TTYH1: variants seen among roughly 807,000 people sequenced by gnomAD.
The protein encoded by TTYH1 is protein tweety homolog 1.
A neutral mutation model predicts 61.2 loss-of-function variants in TTYH1; 33 were observed. The observed-to-expected ratio is 0.54, with a 90% CI of 0.41 to 0.72. TTYH1 has a LOEUF of 0.72. TTYH1 is among the 30% of genes least tolerant of loss of function. The probability of loss-of-function intolerance (pLI) is 0.00; values close to 1 mark genes in which losing one functional copy is unlikely to be tolerated. For synonymous variants in TTYH1, 308 were observed against 266.4 expected (o/e 1.16, Z -1.52); for missense variants, 538 against 575.8 (o/e 0.93, Z 0.67).
intron 4 of TTYH1, among the ~76,000 whole-genome samples, chr19:54,425,231 C>A (rs571187060): frequency 2.0e-5 from 3 of 152,246 alleles, no homozygotes; most frequent in Non-Finnish European, 4.4e-5. Context: ...TGGAAGTCAG[C>A]GGCGGGTCTG....
chr19:54,416,963 G>GGGGGTC lies in TTYH1; in HGVS notation c.126+1286_126+1291dup, dbSNP rs2083092998. On this transcript the variant is annotated intron_variant, in intron 1 of 13. Transcript: ENST00000376530. The surrounding 1 kb of genome is among the most constrained non-coding windows in gnomAD (Gnocchi z 7.0). ...GGAGCCTCACTCCGCCCCCACGGTCGGGGGTCAGGGTCAGGGTGGCAGGGA... is the reference window on the plus strand; with the variant it reads ...GGAGCCTCACTCCGCCCCCACGGTCGGGGGTCGGGGTCAGGGTCAGGGTGGCAGGGA... 1 of 1,236,916 alleles carries GGGGGTC rather than the reference G, an allele frequency of 8.1e-7. No individual in the cohort carries two copies. Among genetic ancestry groups the GGGGGTC allele is most frequent in the Non-Finnish European group, 1.0e-6 (1 of 963,264 alleles). The allele number at this position is 1,236,916 out of a possible 1,614,324, so 76.6% of individuals were successfully genotyped here.
chr19:54,431,312 T>C lies in TTYH1; in HGVS notation c.1125+121T>C, dbSNP rs557473955. The C allele has an allele frequency of 2.0e-4, 137 of 683,988 alleles. 1 individual carries two copies. Among genetic ancestry groups the C allele is most frequent in the Admixed American group, 5.4e-4 (23 of 42,666 alleles). The allele number at this position is 683,988 out of a possible 1,614,324, so 42.4% of individuals were successfully genotyped here. A position where few individuals can be genotyped will look rare whatever the true frequency, so the allele number is the denominator to read the frequency against. On this transcript the variant is annotated intron_variant, in intron 10 of 13. Coordinates refer to ENST00000376530, the MANE Select transcript of TTYH1 (RefSeq NM_020659.4). ...CGCCTGAGGATATCTCTGTATCCTC[T>C]GTTTATATGATTTATCTGTCCTATA...
rs747687807 is a variant in TTYH1 at position 54,429,987 on chromosome 19, G to A, written c.883+30G>A. 5 of 1,599,976 alleles carry A rather than the reference G, an allele frequency of 3.1e-6. No individual in the cohort carries two copies. Among genetic ancestry groups the A allele is most frequent in the Non-Finnish European group, 2.6e-6 (3 of 1,168,206 alleles). On this transcript the variant is annotated intron_variant, in intron 7 of 13. Transcript: ENST00000376530. This position sits in a 1 kb window ranked among gnomAD's most constrained non-coding sequence, Gnocchi z 5.1. The stretch of plus-strand genomic sequence containing the variant: ...TTTCCAAGGGCCCGGTGGGTCCGCC[G>A]GGTTGGGCAGTGCAGGCCCTGGCTT...
At chr19:54,435,410 G>A in intron 10 of TTYH1, 132 bp from the exon 11 acceptor site, 2 of 1,146,658 alleles carry the variant, frequency 1.7e-6, no homozygotes, top group Non-Finnish European at 2.5e-6. Context: ...TTTGACAGGG[G>A]AAACTGAGGC....
Position 54,415,558 on chromosome 19 carries a change from G to GGC in TTYH1, c.9_10dup (p.Pro4ArgfsTer55). The stretch of plus-strand genomic sequence containing the variant: ...TGCCCCCTCCCCCGGGGGCCATGGG[G>GGC]GCGCCCCCGGGCTACCGGCCCTCAG... On this transcript the variant is annotated frameshift_variant, in exon 1 of 14. Transcript: ENST00000376530. LOFTEE classifies it high-confidence loss of function. This position sits in a 1 kb window ranked among gnomAD's most constrained non-coding sequence, Gnocchi z 5.2. The GGC allele has an allele frequency of 6.8e-7, 1 of 1,475,552 alleles. No individual in the cohort carries two copies. Among genetic ancestry groups the GGC allele is most frequent in the Non-Finnish European group, 8.9e-7 (1 of 1,118,282 alleles). 91.4% of individuals were successfully genotyped at this position (1,475,552 alleles called of 1,614,324 possible). A position where few individuals can be genotyped will look rare whatever the true frequency, so the allele number is the denominator to read the frequency against.
chr19:54,415,682 G>A lies in TTYH1; in HGVS notation c.126+4G>A, dbSNP rs957796264. On this transcript the variant is annotated splice_donor_region_variant and intron_variant, in intron 1 of 13. Transcript: ENST00000376530. This position sits in a 1 kb window ranked among gnomAD's most constrained non-coding sequence, Gnocchi z 5.2. ...CCAAGAGCAGGAATACCAGCAGGTG[G>A]GACCGGGCGCCAGGGCCTGGGGGCC... 12 of 1,548,458 alleles carry A rather than the reference G, an allele frequency of 7.7e-6. No individual in the cohort carries two copies. Among genetic ancestry groups the A allele is most frequent in the Middle Eastern group, 1.7e-4 (1 of 5,782 alleles).
At position 54,429,488 on chromosome 19, in the gene TTYH1, C is replaced by A. The variant is rs111698385; in HGVS notation, c.807+109C>A. ...TAGTAGAGAAAGGAATTGGGGGGCACGATCACAGCTCTGAGGTTTAGGGCT... is the reference window on the plus strand; with the variant it reads ...TAGTAGAGAAAGGAATTGGGGGGCAAGATCACAGCTCTGAGGTTTAGGGCT... On this transcript the variant is annotated intron_variant, in intron 6 of 13. Coordinates refer to ENST00000376530, the MANE Select transcript of TTYH1 (RefSeq NM_020659.4). The surrounding 1 kb of genome is among the most constrained non-coding windows in gnomAD (Gnocchi z 5.1). 1 of 1,007,914 alleles carries A rather than the reference C, an allele frequency of 9.9e-7. No homozygotes were observed. Among genetic ancestry groups the A allele is most frequent in the Non-Finnish European group, 1.5e-6 (1 of 655,766 alleles). 62.4% of individuals were successfully genotyped at this position (1,007,914 alleles called of 1,614,324 possible). A position where few individuals can be genotyped will look rare whatever the true frequency, so the allele number is the denominator to read the frequency against.
chr19:54,435,642 C>A lies in TTYH1; in HGVS notation c.1226C>A (p.Ala409Asp). The A allele has an allele frequency of 1.9e-6, 3 of 1,611,788 alleles. No individual in the cohort carries two copies. The highest frequency in any genetic ancestry group is 2.5e-6 in the Non-Finnish European group (3 of 1,179,422). ...SLLSAGALAT[A>D]LCSLPRAWAL... ...CTGTCTGCAGGAGCGCTGGCCACTG[C>A]CCTCTGCAGCCTGCCCCGAGCCTGG... The change falls in exon 11 of 14, where the codon GCC (alanine) becomes GAC (aspartate). Residue 409 changes from alanine to aspartate, a missense_variant. This residue lies in a region of TTYH1 where 378 missense variants were observed against 401.2 expected (regional missense o/e 0.94). Coordinates refer to ENST00000376530, the MANE Select transcript of TTYH1 (RefSeq NM_020659.4).
chr19:54,418,328 TC>T (rs1387452593), intron 1 of TTYH1: 4 of 152,526 alleles, frequency 2.6e-5, no homozygotes, highest in Non-Finnish European at 5.9e-5. Flanking sequence ...TGTGTGTCTC[TC>T]CCGTCTCCAT....
chr19:54,428,613 G>A (rs1021194490), intron 5 of TTYH1, among the ~76,000 whole-genome samples: 1 of 152,156 alleles, frequency 6.6e-6, no homozygotes, highest in Non-Finnish European at 1.5e-5. Context: ...TGCTAGAGCT[G>A]GGATTTGAAC....
chr19:54,419,656 A>G lies in TTYH1; in HGVS notation c.305+350A>G. 1.8e-6 allele frequency: 1 copy of G among 549,330 alleles called. No individual in the cohort carries two copies. The highest frequency in any genetic ancestry group is 1.9e-5 in the African/African-American group (1 of 53,854). The allele number at this position is 549,330 out of a possible 1,614,324, so 34.0% of individuals were successfully genotyped here. A position where few individuals can be genotyped will look rare whatever the true frequency, so the allele number is the denominator to read the frequency against. ...TGGGCCTCAATTTCCACATCTGTAA[A>G]CTGGGCATTATCATCTCGCCCACCT... On this transcript the variant is annotated intron_variant, in intron 2 of 13. Transcript: ENST00000376530. This position sits in a 1 kb window ranked among gnomAD's most constrained non-coding sequence, Gnocchi z 6.1.
intron 1 of TTYH1, among the ~76,000 whole-genome samples, chr19:54,417,281 T>C (rs2081061): frequency 0.014 from 2,067 of 148,492 alleles, 51 homozygotes; most frequent in African/African-American, 0.049. Flanking sequence ...CACACCCACT[T>C]ACTCCCATTA....
rs2083564318 is a variant in TTYH1 at position 54,436,867 on chromosome 19, T to C, written c.*577T>C. ...CTCAGCAAGGGGTCCAAAGACATTG[T>C]TCTTTAAAAAAAAAAAAAAAAAAAT... On this transcript the variant is annotated 3_prime_UTR_variant, in exon 14 of 14. Coordinates refer to ENST00000376530, the MANE Select transcript of TTYH1 (RefSeq NM_020659.4). This position sits in a 1 kb window ranked among gnomAD's most constrained non-coding sequence, Gnocchi z 4.3. 6.5e-6 allele frequency: 1 copy of C among 153,038 alleles called. No individual in the cohort carries two copies. Among genetic ancestry groups the C allele is most frequent in the Non-Finnish European group, 1.4e-5 (1 of 70,664 alleles). 9.5% of individuals were successfully genotyped at this position (153,038 alleles called of 1,614,324 possible). A position where few individuals can be genotyped will look rare whatever the true frequency, so the allele number is the denominator to read the frequency against.
At position 54,420,962 on chromosome 19, in the gene TTYH1, C is replaced by T. The variant is rs770816252; in HGVS notation, c.306-315C>T. On this transcript the variant is annotated intron_variant, in intron 2 of 13. Coordinates refer to ENST00000376530, the MANE Select transcript of TTYH1 (RefSeq NM_020659.4). This position sits in a 1 kb window ranked among gnomAD's most constrained non-coding sequence, Gnocchi z 4.8. ...CTAGGGAGGGGAAGACGGCCCATCC[C>T]GGAGCTGGGTGTGACTGGGGTTCTG... 19 of 442,346 alleles carry T rather than the reference C, an allele frequency of 4.3e-5. No homozygotes were observed. The highest frequency in any genetic ancestry group is 6.5e-5 in the Non-Finnish European group (15 of 229,352). The allele number at this position is 442,346 out of a possible 1,614,324, so 27.4% of individuals were successfully genotyped here.
intron 10 of TTYH1, 26 bp downstream of exon 10, chr19:54,431,217 T>G: frequency 6.4e-7 from 1 of 1,567,728 alleles, no homozygotes; most frequent in Non-Finnish European, 8.8e-7. Flanking sequence ...TCCCAATTTC[T>G]TCTCCCACGG....
intron 4 of TTYH1, among the ~76,000 whole-genome samples, chr19:54,424,586 C>G (rs1180705374): frequency 6.6e-6 from 1 of 152,214 alleles, no homozygotes; most frequent in Non-Finnish European, 1.5e-5. Context: ...GGCCTCAGCT[C>G]CTTCTCCTGG....
At chr19:54,423,534 G>T (rs570443765) in intron 4 of TTYH1, among the ~76,000 whole-genome samples, 1 of 152,104 alleles carries the variant, frequency 6.6e-6, no homozygotes, top group Non-Finnish European at 1.5e-5. Flanking sequence ...ACCTGAGCTC[G>T]AAAGCCAGCC....
At position 54,416,251 on chromosome 19, in the gene TTYH1, C is replaced by A. The variant is rs1161691198; in HGVS notation, c.126+573C>A. 5.9e-6 allele frequency: 2 copies of A among 340,484 alleles called. No homozygotes were observed. The highest frequency in any genetic ancestry group is 1.2e-5 in the Non-Finnish European group (2 of 169,192). 21.1% of individuals were successfully genotyped at this position (340,484 alleles called of 1,614,324 possible). On this transcript the variant is annotated intron_variant, in intron 1 of 13. Transcript: ENST00000376530. The surrounding 1 kb of genome is among the most constrained non-coding windows in gnomAD (Gnocchi z 7.0). ...CTGGGAGAGGAAGCTTCTTGCCCGT[C>A]CCAAGAAAGAAGGGGTGGTCAGGGC... is the stretch of plus-strand genomic sequence containing the variant.
At chr19:54,418,839 G>A (rs916859557) in intron 1 of TTYH1, 1 of 381,874 alleles carries the variant, frequency 2.6e-6, no homozygotes, top group Non-Finnish European at 4.6e-6. Flanking sequence ...CGGAGAAGGG[G>A]CGGTTCCTGC....
Sources: gnomAD v4.1 joint callset for allele counts (sites outside exome capture counted in the v4.1 genomes callset) on GRCh38, gnomAD v4.1.1 for gene constraint, gnomAD v4.1.1 regional missense constraint, Gnocchi (gnomAD v3.1) non-coding constraint, MANE v1.5 for transcripts, NCBI Gene and HGNC (gene_info 2026-07-23, HGNC 2026-07-21) for gene names.